FAF1: variants seen among roughly 807,000 people sequenced by gnomAD.
FAF1 encodes the protein Fas associated factor 1.
FAF1 carries 25 observed loss-of-function variants against 92.5 expected under a neutral mutation model. That is an observed-to-expected ratio of 0.27 (90% confidence interval 0.20 to 0.38). The LOEUF (loss-of-function observed/expected upper bound fraction) is 0.38. Ranked by LOEUF, FAF1 falls within the 10% of genes least tolerant of loss-of-function variation. The probability of loss-of-function intolerance (pLI) is 1.00; values close to 1 mark genes in which losing one functional copy is unlikely to be tolerated. For missense variants in FAF1, 636 were observed against 793.3 expected, an observed-to-expected ratio of 0.80 and a Z score of 2.38; for synonymous variants, 234 against 273.2, an observed-to-expected ratio of 0.86 and a Z score of 1.42.
At chr1:50,443,453 A>T (rs941615596) in intron 18 of FAF1, among the ~76,000 whole-genome samples, 1 of 152,224 alleles carries the variant, frequency 6.6e-6, no homozygotes, top group Non-Finnish European at 1.5e-5. Flanking sequence ...CAACATATCC[A>T]TACAACAACC....
chr1:50,846,798 C>A, intron 2 of FAF1: 1 of 682,888 alleles, frequency 1.5e-6, no homozygotes, highest in Non-Finnish European at 2.6e-6. Context: ...TGTCCCAATC[C>A]CACTTAAAGG....
chr1:50,943,814 T>C (rs1273765118), intron 1 of FAF1, among the ~76,000 whole-genome samples: 1 of 152,196 alleles, frequency 6.6e-6, no homozygotes, highest in African/African-American at 2.4e-5. Context: ...AGGAGGGAGA[T>C]AAGCTAATAC....
intron 12 of FAF1, among the ~76,000 whole-genome samples, chr1:50,571,651 G>A (rs186184941): frequency 1.3e-5 from 2 of 152,182 alleles, no homozygotes; most frequent in African/African-American, 2.4e-5. Flanking sequence ...CTCTGAGTTC[G>A]GTGCCTCACT....
At chr1:50,944,097 C>T (rs1645155458) in intron 1 of FAF1, among the ~76,000 whole-genome samples, 1 of 152,182 alleles carries the variant, frequency 6.6e-6, no homozygotes, top group Admixed American at 6.5e-5. Context: ...CCCACAGAAT[C>T]TGAGTGAAGT....
intron 2 of FAF1, among the ~76,000 whole-genome samples, chr1:50,814,792 A>C (rs745540886): frequency 2.0e-5 from 3 of 152,314 alleles, no homozygotes; most frequent in African/African-American, 7.2e-5. Context: ...ATTAGAGAAA[A>C]GCAAATCAAA....
intron 4 of FAF1, among the ~76,000 whole-genome samples, chr1:50,782,199 C>T (rs576921360): frequency 2.6e-5 from 4 of 151,286 alleles, no homozygotes; most frequent in African/African-American, 9.7e-5. Context: ...TTTAAGTTAA[C>T]GGTAAAACAG....
At chr1:50,806,076 A>C (rs1662186696) in intron 2 of FAF1, among the ~76,000 whole-genome samples, 1 of 152,186 alleles carries the variant, frequency 6.6e-6, no homozygotes, top group African/African-American at 2.4e-5. Context: ...AGAAAATAAA[A>C]AGACAAGCTG....
chr1:50,503,562 G>C (rs1368509919), intron 15 of FAF1, among the ~76,000 whole-genome samples: 1 of 150,994 alleles, frequency 6.6e-6, no homozygotes, highest in Non-Finnish European at 1.5e-5. Context: ...CTGCAGTGAG[G>C]TATGACTGCA....
intron 7 of FAF1, among the ~76,000 whole-genome samples, chr1:50,663,422 T>G (rs574371074): frequency 1.3e-5 from 2 of 150,026 alleles, no homozygotes; most frequent in Non-Finnish European, 3.0e-5. Context: ...TCAATTTTTT[T>G]TTTTTTTTTT....
intron 18 of FAF1, among the ~76,000 whole-genome samples, chr1:50,442,279 A>G (rs1005648419): frequency 6.6e-6 from 1 of 152,120 alleles, no homozygotes; most frequent in African/African-American, 2.4e-5. Context: ...CCTGTTTATC[A>G]AAAGAGGTCA....
intron 1 of FAF1, among the ~76,000 whole-genome samples, chr1:50,927,183 A>AT (rs1213954890): frequency 6.6e-6 from 1 of 152,252 alleles, no homozygotes; most frequent in Non-Finnish European, 1.5e-5. Flanking sequence ...GTGATGCCAC[A>AT]TAACAATGTG....
chr1:50,554,164 G>C (rs1649440484), intron 13 of FAF1, among the ~76,000 whole-genome samples: 1 of 149,736 alleles, frequency 6.7e-6, no homozygotes, highest in Non-Finnish European at 1.5e-5. Context: ...CATTTTTGTT[G>C]CTGAATCATT....
intron 4 of FAF1, among the ~76,000 whole-genome samples, chr1:50,747,441 T>C (rs990445401): frequency 6.6e-6 from 1 of 152,228 alleles, no homozygotes; most frequent in Non-Finnish European, 1.5e-5. Flanking sequence ...GCCTATAGCA[T>C]CATTCTTTTG....
intron 8 of FAF1, among the ~76,000 whole-genome samples, chr1:50,616,350 A>C (rs1449331034): frequency 6.6e-6 from 1 of 152,096 alleles, no homozygotes. Flanking sequence ...TAATTTTAGA[A>C]TTTTTGTTTC....
chr1:50,537,754 G>A (rs570740156), intron 14 of FAF1, among the ~76,000 whole-genome samples: 10 of 150,164 alleles, frequency 6.7e-5, no homozygotes, highest in East Asian at 4.0e-4. Context: ...CTGTATTCTC[G>A]TACCTACATC....
At chr1:50,495,856 A>G (rs1646891687) in intron 15 of FAF1, among the ~76,000 whole-genome samples, 1 of 152,180 alleles carries the variant, frequency 6.6e-6, no homozygotes, top group East Asian at 1.9e-4. Context: ...TCAGAATCAG[A>G]ATTTAAACAC....
intron 7 of FAF1, among the ~76,000 whole-genome samples, chr1:50,688,195 TA>T (rs1656759669): frequency 6.6e-6 from 1 of 150,746 alleles, no homozygotes; most frequent in Non-Finnish European, 1.5e-5. Flanking sequence ...AAACAGAAAA[TA>T]ACAAGTATTG....
chr1:50,601,706 T>C (rs954406797), intron 8 of FAF1, among the ~76,000 whole-genome samples: 35 of 146,376 alleles, frequency 2.4e-4, no homozygotes, highest in Admixed American at 1.3e-4. Context: ...TATATATATA[T>C]ACACACACAC....
At chr1:50,739,468 A>G (rs540259940) in intron 5 of FAF1, among the ~76,000 whole-genome samples, 1 of 152,320 alleles carries the variant, frequency 6.6e-6, no homozygotes, top group East Asian at 1.9e-4. Flanking sequence ...ACATATATAA[A>G]ATGAACTAGC....
Sources: gnomAD v4.1 joint callset for allele counts (sites outside exome capture counted in the v4.1 genomes callset) on GRCh38, gnomAD v4.1.1 for gene constraint, MANE v1.5 for transcripts, NCBI Gene and HGNC (gene_info 2026-07-23, HGNC 2026-07-21) for gene names.